The following PCDH15 variants were observed in gnomAD, a reference collection of about 807,000 sequenced individuals.
The protein encoded by PCDH15 is protocadherin related 15.
Under a neutral mutation model 178.5 loss-of-function variants are expected in PCDH15, and 129 were observed. The ratio of observed to expected loss-of-function variants is 0.72; its 90% CI spans 0.63 to 0.84. PCDH15 has a LOEUF of 0.84. Among genes scored for constraint, PCDH15 ranks in the 40% least tolerant of loss-of-function variants. The probability of loss-of-function intolerance (pLI) is 0.00; values close to 1 mark genes in which losing one functional copy is unlikely to be tolerated. For synonymous variants in PCDH15, 800 were observed against 732.0 expected (o/e 1.09, Z -1.50); for missense variants, 2,230 against 2,099.9 (o/e 1.06, Z -1.21).
At chr10:53,896,845 C>G (rs911358376) in intron 26 of PCDH15, among the ~76,000 whole-genome samples, 5 of 152,160 alleles carry the variant, frequency 3.3e-5, no homozygotes, top group African/African-American at 9.7e-5. Flanking sequence ...GTCACTGTCT[C>G]TCATCACACC....
chr10:55,154,047 T>C (rs1838811368), intron 2 of PCDH15, among the ~76,000 whole-genome samples: 1 of 152,170 alleles, frequency 6.6e-6, no homozygotes, highest in South Asian at 2.1e-4. Context: ...TACACGTTCA[T>C]TAAATGGGTC....
chr10:54,572,312 T>A (rs1395581180), intron 2 of PCDH15, among the ~76,000 whole-genome samples: 2 of 152,086 alleles, frequency 1.3e-5, no homozygotes, highest in Non-Finnish European at 2.9e-5. Flanking sequence ...TTCTAGCAGG[T>A]GTGCCATAAT....
At chr10:54,499,507 T>C (rs1381265461) in intron 3 of PCDH15, among the ~76,000 whole-genome samples, 1 of 152,004 alleles carries the variant, frequency 6.6e-6, no homozygotes, top group Non-Finnish European at 1.5e-5. Context: ...TAGAAATCAA[T>C]ACCAAGAACA....
intron 2 of PCDH15, chr10:55,599,560 G>A (rs567169114): frequency 6.3e-6 from 1 of 158,448 alleles, no homozygotes; most frequent in South Asian, 2.0e-4. Context: ...TTCAGTAGAA[G>A]CAATAATGTT....
intron 2 of PCDH15, among the ~76,000 whole-genome samples, chr10:55,069,263 T>C (rs1276733792): frequency 7.8e-6 from 1 of 128,394 alleles, no homozygotes; most frequent in African/African-American, 2.6e-5. Context: ...TTTTTTTTTT[T>C]TTCATGTTTA....
chr10:54,122,683 T>C (rs1217779227), intron 15 of PCDH15, among the ~76,000 whole-genome samples: 1 of 151,972 alleles, frequency 6.6e-6, no homozygotes, highest in East Asian at 1.9e-4. Context: ...TTAGAACTGA[T>C]CAACAATTTT....
chr10:54,771,497 T>C (rs1206509350), intron 1 of PCDH15, among the ~76,000 whole-genome samples: 1 of 152,082 alleles, frequency 6.6e-6, no homozygotes, highest in Non-Finnish European at 1.5e-5. Flanking sequence ...AATCTAATAG[T>C]TCAAGCCAGT....
intron 14 of PCDH15, among the ~76,000 whole-genome samples, chr10:54,147,015 A>ACG (rs1564531115): frequency 5.2e-5 from 3 of 57,350 alleles, no homozygotes; most frequent in African/African-American, 2.0e-4. Flanking sequence ...TGTATATATA[A>ACG]TGTGTATATA....
intron 8 of PCDH15, among the ~76,000 whole-genome samples, chr10:54,307,678 G>A (rs189312376): frequency 1.3e-5 from 2 of 151,848 alleles, no homozygotes; most frequent in Admixed American, 6.6e-5. Flanking sequence ...TGCCAACTCT[G>A]TTTATTTAAA....
intron 2 of PCDH15, among the ~76,000 whole-genome samples, chr10:55,547,908 T>TGAGAGAGA (rs1297847854): frequency 3.1e-4 from 11 of 35,292 alleles, no homozygotes; most frequent in African/African-American, 1.4e-3. Context: ...TGTGTGTGTG[T>TGAGAGAGA]GTGAGAGAGA....
intron 37 of PCDH15, among the ~76,000 whole-genome samples, chr10:53,809,844 TCTTC>T (rs879752574): frequency 7.2e-5 from 11 of 152,216 alleles, no homozygotes; most frequent in Admixed American, 3.3e-4. Flanking sequence ...AATTATTGTC[TCTTC>T]CTTCCTTCCT....
chr10:53,886,807 C>T (rs576780889), intron 26 of PCDH15, among the ~76,000 whole-genome samples: 1 of 152,088 alleles, frequency 6.6e-6, no homozygotes, highest in Non-Finnish European at 1.5e-5. Context: ...CTGGAAGCCA[C>T]ACTGTTTACT....
intron 8 of PCDH15, among the ~76,000 whole-genome samples, chr10:54,290,185 A>C (rs2059304383): frequency 6.6e-6 from 1 of 152,238 alleles, no homozygotes; most frequent in African/African-American, 2.4e-5. Flanking sequence ...AATCAGACTA[A>C]CAGTGGGTCT....
intron 2 of PCDH15, among the ~76,000 whole-genome samples, chr10:55,586,529 G>A (rs1279573390): frequency 1.3e-5 from 2 of 151,986 alleles, no homozygotes; most frequent in African/African-American, 4.8e-5. Flanking sequence ...AAAGATGCCA[G>A]GGAAATTTAT....
intron 2 of PCDH15, among the ~76,000 whole-genome samples, chr10:55,559,682 GA>G (rs1842155932): frequency 6.6e-6 from 1 of 151,800 alleles, no homozygotes; most frequent in Non-Finnish European, 1.5e-5. Context: ...AAAAATCCTA[GA>G]GTTGAATTTT....
chr10:54,507,817 C>A (rs760271049), intron 3 of PCDH15, among the ~76,000 whole-genome samples: 1 of 151,982 alleles, frequency 6.6e-6, no homozygotes, highest in South Asian at 2.1e-4. Context: ...TAACTTATTT[C>A]AAAAGCTGCT....
chr10:55,138,653 A>T (rs1360408946), intron 2 of PCDH15, among the ~76,000 whole-genome samples: 1 of 152,128 alleles, frequency 6.6e-6, no homozygotes, highest in African/African-American at 2.4e-5. Flanking sequence ...TATATAAAAT[A>T]CACTGCAATG....
intron 15 of PCDH15, among the ~76,000 whole-genome samples, chr10:54,099,149 G>A (rs2094756885): frequency 1.3e-5 from 2 of 152,128 alleles, no homozygotes; most frequent in South Asian, 4.1e-4. Flanking sequence ...AATGAAATCA[G>A]TACACAGTGA....
At chr10:54,430,896 C>G (rs1404049741) in intron 3 of PCDH15, among the ~76,000 whole-genome samples, 6 of 151,766 alleles carry the variant, frequency 4.0e-5, no homozygotes, top group Admixed American at 3.9e-4. Context: ...GGAGAAGACC[C>G]AAATAAATAA....
Sources: gnomAD v4.1 joint callset for allele counts (sites outside exome capture counted in the v4.1 genomes callset) on GRCh38, gnomAD v4.1.1 for gene constraint, MANE v1.5 for transcripts, NCBI Gene and HGNC (gene_info 2026-07-23, HGNC 2026-07-21) for gene names.